The following NEBL variants were observed in gnomAD, a reference collection of about 807,000 sequenced individuals.
The protein encoded by NEBL is nebulette.
A neutral mutation model predicts 140.2 loss-of-function variants in NEBL; 122 were observed. The ratio of observed to expected loss-of-function variants is 0.87; its 90% confidence interval spans 0.75 to 1.01. The LOEUF (loss-of-function observed/expected upper bound fraction) is 1.01. NEBL is among the 50% of genes least tolerant of loss of function. NEBL has a pLI of 0.00. For synonymous variants in NEBL, 436 were observed against 398.9 expected (o/e 1.09, Z -1.11); for missense variants, 1,365 against 1,231.3 (o/e 1.11, Z -1.62).
intron 3 of NEBL, among the ~76,000 whole-genome samples, chr10:20,981,420 C>A (rs970816889): frequency 1.3e-5 from 2 of 151,794 alleles, no homozygotes; most frequent in South Asian, 2.1e-4. Flanking sequence ...AAAACACACA[C>A]AAAATTATAA....
At chr10:20,922,167 G>A (rs1365276758) in intron 4 of NEBL, among the ~76,000 whole-genome samples, 1 of 152,154 alleles carries the variant, frequency 6.6e-6, no homozygotes, top group Non-Finnish European at 1.5e-5. Context: ...TGGAGAGCAG[G>A]CAACCTGGAA....
chr10:21,069,242 C>T (rs142387654), intron 2 of NEBL, among the ~76,000 whole-genome samples: 5 of 152,304 alleles, frequency 3.3e-5, no homozygotes, highest in East Asian at 3.9e-4. Flanking sequence ...CAGCTTTCTG[C>T]GCTGGTTGCC....
chr10:21,234,909 C>T (rs1842328193), intron 3 of NEBL, among the ~76,000 whole-genome samples: 1 of 152,154 alleles, frequency 6.6e-6, no homozygotes, highest in African/African-American at 2.4e-5. Flanking sequence ...CAAGGCTCAA[C>T]GGTGAGATAT....
intron 4 of NEBL, among the ~76,000 whole-genome samples, chr10:20,909,885 T>C (rs1040773571): frequency 2.0e-5 from 3 of 152,100 alleles, no homozygotes; most frequent in South Asian, 2.1e-4. Flanking sequence ...TAGTGATATA[T>C]CTGCAGGAAA....
intron 2 of NEBL, among the ~76,000 whole-genome samples, chr10:21,150,734 G>A (rs190389171): frequency 1.6e-4 from 24 of 152,148 alleles, no homozygotes; most frequent in Admixed American, 1.4e-3. Flanking sequence ...AGTCACACCC[G>A]AAGCCAACAG....
chr10:20,914,411 A>G (rs1172376908), intron 4 of NEBL, among the ~76,000 whole-genome samples: 2 of 152,230 alleles, frequency 1.3e-5, no homozygotes, highest in Non-Finnish European at 2.9e-5. Flanking sequence ...AAGGTTTTCT[A>G]TGAGATTACC....
At chr10:21,165,381 G>A (rs4748752) in intron 2 of NEBL, among the ~76,000 whole-genome samples, 7,423 of 152,202 alleles carry the variant, frequency 0.049, 342 homozygotes, top group East Asian at 0.23. Flanking sequence ...TGGAATTCAG[G>A]CTTAATGAAC....
chr10:20,818,859 A>G, intron 20 of NEBL: 1 of 990,494 alleles, frequency 1.0e-6, no homozygotes, highest in Non-Finnish European at 1.2e-6. Context: ...TGTGAAAAGG[A>G]ACATCCAAAA....
chr10:21,230,895 G>A (rs1439633973), intron 3 of NEBL, among the ~76,000 whole-genome samples: 1 of 152,098 alleles, frequency 6.6e-6, no homozygotes, highest in Admixed American at 6.5e-5. Context: ...ATGAGCCACT[G>A]TGCCTAGCCA....
chr10:21,077,957 G>C (rs1464642437), intron 2 of NEBL, among the ~76,000 whole-genome samples: 6 of 152,176 alleles, frequency 3.9e-5, no homozygotes, highest in Non-Finnish European at 8.8e-5. Flanking sequence ...ACCATATCAA[G>C]TCCGATGGAT....
chr10:21,145,899 G>C (rs774689440), intron 2 of NEBL, among the ~76,000 whole-genome samples: 1 of 152,170 alleles, frequency 6.6e-6, no homozygotes, highest in Non-Finnish European at 1.5e-5. Flanking sequence ...ATTAGGTGAG[G>C]CTCGGCTCTC....
chr10:20,950,253 T>A (rs541300980), intron 4 of NEBL, among the ~76,000 whole-genome samples: 3 of 152,228 alleles, frequency 2.0e-5, no homozygotes, highest in Admixed American at 6.5e-5. Context: ...TAAAACATGT[T>A]TGTTAAGTCA....
chr10:21,250,215 A>G (rs1483352794), intron 2 of NEBL, among the ~76,000 whole-genome samples: 1 of 152,200 alleles, frequency 6.6e-6, no homozygotes, highest in African/African-American at 2.4e-5. Context: ...ATGAGCTGAG[A>G]AAGGCAGATG....
At chr10:21,266,639 G>C (rs570375558) in intron 1 of NEBL, among the ~76,000 whole-genome samples, 2 of 152,336 alleles carry the variant, frequency 1.3e-5, no homozygotes, top group South Asian at 4.1e-4. Flanking sequence ...GGATCCACAC[G>C]GTGCTCCCTG....
At chr10:20,830,504 A>T (rs567421666) in intron 16 of NEBL, among the ~76,000 whole-genome samples, 10 of 152,310 alleles carry the variant, frequency 6.6e-5, no homozygotes, top group African/African-American at 2.4e-4. Flanking sequence ...AGAATATGGG[A>T]CAAGTATATT....
At position 20,809,847 on chromosome 10, in the gene NEBL, AG is replaced by A; in HGVS notation, c.2569del (p.Leu857TrpfsTer57). On this transcript the variant is annotated frameshift_variant, in exon 25 of 28. Coordinates refer to ENST00000377122, the MANE Select transcript of NEBL (RefSeq NM_006393.3). LOFTEE classifies it high-confidence loss of function. ...DPGSIFDLDP[L>X]EDNIQSRSLH... ...ACTTCTAGACTGAATATTGTCTTCC[AG>A]GGGATCAAGGTCGAAGATGGAGCCA... The A allele has an allele frequency of 6.2e-7, 1 of 1,611,712 alleles. No individual in the cohort carries two copies. The highest frequency in any genetic ancestry group is 8.5e-7 in the Non-Finnish European group (1 of 1,178,768).
rs2131602815 is a variant in NEBL, at chr10:20,782,453, T to C, written c.*3294A>G. 6.5e-6 allele frequency: 1 copy of C among 152,742 alleles called. No individual in the cohort carries two copies. Among genetic ancestry groups the C allele is most frequent in the East Asian group, 1.9e-4 (1 of 5,186 alleles). 9.5% of individuals were successfully genotyped at this position (152,742 alleles called of 1,614,324 possible). On this transcript the variant is annotated 3_prime_UTR_variant, in exon 28 of 28. Coordinates refer to ENST00000377122, the MANE Select transcript of NEBL (RefSeq NM_006393.3). ...TGAAAACGAGGTACATCCCTTGAACTTCCACTATCTTTTTAGAAAAAGTCT... is the reference window on the plus strand; with the variant it reads ...TGAAAACGAGGTACATCCCTTGAACCTCCACTATCTTTTTAGAAAAAGTCT...
At chr10:21,269,754 TA>T (rs1322219911) in intron 1 of NEBL, among the ~76,000 whole-genome samples, 1 of 152,202 alleles carries the variant, frequency 6.6e-6, no homozygotes, top group Non-Finnish European at 1.5e-5. Flanking sequence ...TTTGCATATA[TA>T]GTGAGAGTAA....
chr10:20,869,158 T>G (rs1299800635), intron 6 of NEBL, among the ~76,000 whole-genome samples: 1 of 152,234 alleles, frequency 6.6e-6, no homozygotes, highest in Non-Finnish European at 1.5e-5. Context: ...TGCAGTTGAA[T>G]ACAGTAATGA....
Sources: allele counts gnomAD v4.1 joint callset (sites outside exome capture counted in the v4.1 genomes callset), GRCh38; gene constraint gnomAD v4.1.1; transcripts MANE v1.5; gene names NCBI Gene and HGNC (gene_info 2026-07-23, HGNC 2026-07-21).